The following CCDC66 variants were observed in gnomAD, a reference collection of about 807,000 sequenced individuals.
The protein encoded by CCDC66 is coiled-coil domain-containing protein 66.
A neutral mutation model predicts 128.3 loss-of-function variants in CCDC66; 133 were observed. That is an observed-to-expected ratio of 1.04 (90% CI 0.90 to 1.20). The LOEUF (loss-of-function observed/expected upper bound fraction) is 1.20. Among genes scored for constraint, CCDC66 ranks in the 50% most tolerant of loss-of-function variants. The pLI is 0.00. For synonymous variants in CCDC66, 387 were observed against 357.0 expected, an observed-to-expected ratio of 1.08 and a Z score of -0.95; for missense variants, 1,126 against 1,075.5, an observed-to-expected ratio of 1.05 and a Z score of -0.66.
chr3:56,587,162 T>C (rs540697074), intron 7 of CCDC66, among the ~76,000 whole-genome samples: 1 of 152,078 alleles, frequency 6.6e-6, no homozygotes, highest in South Asian at 2.1e-4. Context: ...AGTGTAGTTA[T>C]TCGTCATGTG....
chr3:56,615,564 T>G (rs2075386268), intron 12 of CCDC66: 2 of 353,974 alleles, frequency 5.7e-6, no homozygotes, highest in Non-Finnish European at 1.0e-5. Context: ...TTTTAATACC[T>G]TCAATATACC....
Position 56,613,681 on chromosome 3 carries a change from C to CTTA in CCDC66, c.1498_1500dup (p.Leu500dup), listed in dbSNP as rs752683729. The CTTA allele has an allele frequency of 1.4e-5, 22 of 1,613,940 alleles. No homozygotes were observed. The highest frequency in any genetic ancestry group is 1.8e-5 in the Non-Finnish European group (21 of 1,179,982). On this transcript the variant is annotated inframe_insertion, in exon 11 of 18. Transcript: ENST00000394672. ...AGGAAGAACAAGAAGAGGAGCTTCG[C>CTTA]TTAGCACAGGAACGTGAAGAGATGC...
intron 3 of CCDC66, among the ~76,000 whole-genome samples, chr3:56,562,814 A>G (rs979542437): frequency 2.2e-5 from 3 of 138,008 alleles, no homozygotes; most frequent in South Asian, 2.3e-4. Context: ...AATTTTTTGT[A>G]TTTTTTTTTT....
At position 56,581,019 on chromosome 3, in the gene CCDC66, C is replaced by T. The variant is rs538418052; in HGVS notation, c.936+9717C>T. 3.9e-5 allele frequency among the ~76,000 whole-genome samples: 6 copies of T among 151,942 alleles called. No individual in the cohort carries two copies. The South Asian group carries it at 1.2e-3, about 32-fold the overall frequency. ...CTGCAGAGTGTTTTCCAACTTGGTT[C>T]CATTCTCCCCATCACTTTCAGGTAC... On this transcript the variant is annotated intron_variant, in intron 7 of 17. Coordinates refer to ENST00000394672, the MANE Select transcript of CCDC66 (RefSeq NM_001141947.3).
chr3:56,611,186 A>G (rs1408342134), intron 10 of CCDC66, among the ~76,000 whole-genome samples: 1 of 151,994 alleles, frequency 6.6e-6, no homozygotes, highest in African/African-American at 2.4e-5. Context: ...AAGGACCACC[A>G]GGTGGGGGCG....
chr3:56,619,262 T>C lies in CCDC66; in HGVS notation c.2379-9T>C. 1 of 1,553,942 alleles carries C rather than the reference T, an allele frequency of 6.4e-7. No individual in the cohort carries two copies. Among genetic ancestry groups the C allele is most frequent in the Non-Finnish European group, 8.7e-7 (1 of 1,154,260 alleles). On this transcript the variant is annotated splice_polypyrimidine_tract_variant and intron_variant, in intron 15 of 17. Coordinates refer to ENST00000394672, the MANE Select transcript of CCDC66 (RefSeq NM_001141947.3). Reference sequence around the variant, plus strand: ...ATACACAATTTTTTACTATTTTTTTTTTAAATAGGTCTCCATCATCACCAG... The same window carrying C: ...ATACACAATTTTTTACTATTTTTTTCTTAAATAGGTCTCCATCATCACCAG...
Position 56,617,264 on chromosome 3 carries a change from A to G in CCDC66, c.1996A>G (p.Lys666Glu). ...AAACAAGCAAGAACTAACTCAGGAT[A>G]AAGGAGCCAGCTTAGAAAAAGAAAA... ...KKNKQELTQD[K>E]GASLEKENNR... Residue 666 changes from lysine (K) to glutamate (E), a missense_variant, in exon 14 of 18, where the codon AAA (lysine) becomes GAA (glutamate). Physicochemically the swap from Lys to Glu is moderately conservative, Grantham distance 56. Transcript: ENST00000394672. 2 of 1,614,020 alleles carry G rather than the reference A, an allele frequency of 1.2e-6. No homozygotes were observed. Among genetic ancestry groups the G allele is most frequent in the Non-Finnish European group, 1.7e-6 (2 of 1,179,978 alleles).
At chr3:56,572,455 A>G in intron 7 of CCDC66, 3 of 1,135,488 alleles carry the variant, frequency 2.6e-6, no homozygotes, top group Non-Finnish European at 3.5e-6. Flanking sequence ...AGTACTTTGG[A>G]TATTTAAACC....
At chr3:56,597,930 G>A (rs1003845618) in intron 10 of CCDC66, among the ~76,000 whole-genome samples, 4 of 150,730 alleles carry the variant, frequency 2.7e-5, no homozygotes, top group African/African-American at 7.3e-5. Flanking sequence ...ATGTGCCACC[G>A]CACCTTGTAA....
intron 12 of CCDC66, 170 bp downstream of exon 12, chr3:56,615,442 C>A: frequency 1.6e-6 from 1 of 639,384 alleles, no homozygotes; most frequent in African/African-American, 1.9e-5. Flanking sequence ...TGGAATCTCG[C>A]TTTGTTGCCC....
chr3:56,566,747 A>C lies in CCDC66; in HGVS notation c.698A>C (p.Gln233Pro). 6.8e-6 allele frequency: 11 copies of C among 1,610,050 alleles called. No individual in the cohort carries two copies. The highest frequency in any genetic ancestry group is 1.1e-5 in the South Asian group (1 of 90,196). The change falls in exon 5 of 18, where the codon CAA (glutamine) becomes CCA (proline). Residue 233 changes from glutamine (Q) to proline (P), a missense_variant. Coordinates refer to ENST00000394672, the MANE Select transcript of CCDC66 (RefSeq NM_001141947.3). ...EHQETSKQCE[Q>P]KIAIENEWKP... Reference sequence around the variant, plus strand: ...CAGGAGACATCTAAACAGTGTGAGCAAAAAATTGCCATGTATGTAACTCCT... The same window carrying C: ...CAGGAGACATCTAAACAGTGTGAGCCAAAAATTGCCATGTATGTAACTCCT...
chr3:56,605,350 G>A (rs772366788), intron 10 of CCDC66, among the ~76,000 whole-genome samples: 9 of 152,122 alleles, frequency 5.9e-5, no homozygotes, highest in Middle Eastern at 3.4e-3. Context: ...GAGAAGAGGC[G>A]TTCTGGTTTT....
chr3:56,589,099 C>T (rs1048405276), intron 7 of CCDC66, among the ~76,000 whole-genome samples: 11 of 151,860 alleles, frequency 7.2e-5, no homozygotes, highest in Non-Finnish European at 1.6e-4. Context: ...CTCATAAAAT[C>T]GAGATGAATT....
chr3:56,576,071 T>C (rs2067318270), intron 7 of CCDC66, among the ~76,000 whole-genome samples: 1 of 151,572 alleles, frequency 6.6e-6, no homozygotes, highest in Non-Finnish European at 1.5e-5. Context: ...AAAAAAAAGA[T>C]TATTGATATT....
rs754333464 is a variant in CCDC66, at chr3:56,563,777, A to G, written c.196A>G (p.Lys66Glu). The G allele has an allele frequency of 4.4e-5, 69 of 1,551,918 alleles. No individual in the cohort carries two copies. Among genetic ancestry groups the G allele is most frequent in the Non-Finnish European group, 5.9e-5 (68 of 1,147,004 alleles). ...ACAAGATACTTGTATTGGGAGTGAA[A>G]AACTTTTGCAAAAGAAGCCAGTTGG... ...STQDTCIGSE[K>E]LLQKKPVGSE... The change falls in exon 4 of 18, where the codon AAA becomes GAA. Residue 66 changes from lysine to glutamate, a missense_variant. Coordinates refer to ENST00000394672, the MANE Select transcript of CCDC66 (RefSeq NM_001141947.3).
intron 7 of CCDC66, among the ~76,000 whole-genome samples, chr3:56,582,761 C>T (rs1032044481): frequency 8.0e-5 from 12 of 150,902 alleles, no homozygotes; most frequent in Non-Finnish European, 1.8e-4. Flanking sequence ...ACATAAACTT[C>T]GATCTACATT....
At chr3:56,557,819 G>C (rs1399152576) in intron 1 of CCDC66, 1 of 152,924 alleles carries the variant, frequency 6.5e-6, no homozygotes, top group African/African-American at 2.4e-5. Flanking sequence ...TTGATATTTT[G>C]AGAAGATGAG....
At chr3:56,616,859 C>A (rs1020668244) in intron 13 of CCDC66, 5 of 344,732 alleles carry the variant, frequency 1.5e-5, no homozygotes, top group Non-Finnish European at 2.6e-5. Flanking sequence ...GTTTGCATTT[C>A]CCCCCCAGTG....
chr3:56,561,547 TG>T (rs1171911143), intron 3 of CCDC66, among the ~76,000 whole-genome samples: 2 of 152,196 alleles, frequency 1.3e-5, no homozygotes, highest in African/African-American at 4.8e-5. Context: ...GCAAATTGTT[TG>T]GGTTTATCCC....
Sources: gnomAD v4.1 joint callset for allele counts (sites outside exome capture counted in the v4.1 genomes callset) on GRCh38, gnomAD v4.1.1 for gene constraint, MANE v1.5 for transcripts, NCBI Gene and HGNC (gene_info 2026-07-23, HGNC 2026-07-21) for gene names.